Variants in DDX43 observed in about 807,000 individuals in gnomAD.
DDX43 encodes DEAD-box helicase 43, also known as probable ATP-dependent RNA helicase DDX43.
A neutral mutation model predicts 84.9 loss-of-function variants in DDX43; 50 were observed. The ratio of observed to expected loss-of-function variants is 0.59; its 90% CI spans 0.47 to 0.75. The LOEUF (loss-of-function observed/expected upper bound fraction) is 0.75. Ranked by LOEUF, DDX43 falls within the 30% of genes least tolerant of loss-of-function variation. DDX43 has a pLI of 0.00. For synonymous variants in DDX43, 291 were observed against 266.3 expected, an observed-to-expected ratio of 1.09 and a Z score of -0.90; for missense variants, 689 against 798.6, an observed-to-expected ratio of 0.86 and a Z score of 1.65.
intron 1 of DDX43, among the ~76,000 whole-genome samples, 176 bp downstream of exon 1, chr6:73,395,331 G>C (rs973702569): frequency 1.3e-5 from 2 of 152,168 alleles, no homozygotes; most frequent in African/African-American, 2.4e-5. Flanking sequence ...CTGGCCGGGC[G>C]CGTTGGCTCA....
At chr6:73,404,204 C>T (rs751893610) in intron 4 of DDX43, among the ~76,000 whole-genome samples, 37 of 152,118 alleles carry the variant, frequency 2.4e-4, no homozygotes, top group Non-Finnish European at 5.0e-4. Flanking sequence ...CAACCTCTGC[C>T]TCTCTTGAGT....
In DDX43 at chr6:73,414,660, C is replaced by T; in HGVS notation, c.1719C>T (p.His573=). 6.2e-7 allele frequency: 1 copy of T among 1,613,592 alleles called. No homozygotes were observed. Among genetic ancestry groups the T allele is most frequent in the Non-Finnish European group, 8.5e-7 (1 of 1,179,842 alleles). ...CACGGAATATTGAAGAATACGTACA[C>T]CGAATAGGGCGCACGGGAAGAGCAG... ...DFPRNIEEYV[H]RIGRTGRAGR... Residue 573 remains histidine (H), a synonymous_variant, in exon 14 of 17, where the codon CAC becomes CAT. Transcript: ENST00000370336.
At chr6:73,411,887 G>A (rs1366815833) in intron 10 of DDX43, among the ~76,000 whole-genome samples, 7 of 151,960 alleles carry the variant, frequency 4.6e-5, no homozygotes, top group Non-Finnish European at 8.8e-5. Flanking sequence ...CAGTAGAGAC[G>A]TGGTTTTATC....
chr6:73,396,460 G>C (rs1020337203), intron 1 of DDX43, among the ~76,000 whole-genome samples: 1 of 152,154 alleles, frequency 6.6e-6, no homozygotes, highest in Non-Finnish European at 1.5e-5. Flanking sequence ...CTTTCAGAAG[G>C]CTTGGGCTCA....
At chr6:73,402,686 T>G (rs760015572) in intron 4 of DDX43, among the ~76,000 whole-genome samples, 24 of 152,192 alleles carry the variant, frequency 1.6e-4, no homozygotes, top group Non-Finnish European at 2.6e-4. Flanking sequence ...CTCAAGTGAT[T>G]GCTGTGCCTC....
intron 3 of DDX43, 74 bp from the exon 4 acceptor site, chr6:73,401,785 G>C (rs963385653): frequency 2.2e-6 from 3 of 1,356,740 alleles, no homozygotes; most frequent in African/African-American, 3.5e-5. Context: ...CTGGGGGACA[G>C]AGCGAGACTC....
chr6:73,415,283 G>A (rs1769880483), intron 14 of DDX43, among the ~76,000 whole-genome samples: 1 of 151,972 alleles, frequency 6.6e-6, no homozygotes, highest in African/African-American at 2.4e-5. Flanking sequence ...GGGCAACAGT[G>A]CAAGACTCCA....
Position 73,414,694 on chromosome 6 carries a change from A to G in DDX43, c.1745+8A>G, listed in dbSNP as rs113125149. On this transcript the variant is annotated splice_region_variant and intron_variant, in intron 14 of 16. Coordinates refer to ENST00000370336, the MANE Select transcript of DDX43 (RefSeq NM_018665.3). ...GCGCACGGGAAGAGCAGGGTAAGTA[A>G]GCTTAGTCCACCCATGAAAGGCCAA... The G allele has an allele frequency of 2.2e-4, 349 of 1,604,728 alleles. 1 individual carries two copies. The African/African-American group carries it at 3.9e-3, about 18-fold the overall frequency.
rs1769584485 is a variant in DDX43 at position 73,401,972 on chromosome 6, C to T, written c.550C>T (p.Gln184Ter). ...DQIREEGLKW[Q>*]KTKWADLPPI... is the part of the protein sequence containing the mutation. Reference sequence around the variant, plus strand: ...AATTAGAGAGGAAGGTTTGAAATGGCAAAAAACAAAGTGGGCAGGTCAGTG... The same window carrying T: ...AATTAGAGAGGAAGGTTTGAAATGGTAAAAAACAAAGTGGGCAGGTCAGTG... Residue 184 changes from glutamine (Q) to a stop codon, truncating the protein, a stop_gained, in exon 4 of 17, where the codon CAA becomes TAA. Coordinates refer to ENST00000370336, the MANE Select transcript of DDX43 (RefSeq NM_018665.3). LOFTEE classifies it high-confidence loss of function. 6.2e-7 allele frequency: 1 copy of T among 1,613,610 alleles called. No individual in the cohort carries two copies. Among genetic ancestry groups the T allele is most frequent in the African/African-American group, 1.3e-5 (1 of 74,846 alleles).
chr6:73,409,032 G>C (rs767378681), intron 9 of DDX43, among the ~76,000 whole-genome samples: 2 of 152,208 alleles, frequency 1.3e-5, no homozygotes, highest in Non-Finnish European at 2.9e-5. Context: ...TGTTTAAGGA[G>C]ATTTGGAAGC....
chr6:73,414,148 A>G (rs994977863), intron 13 of DDX43, 69 bp downstream of exon 13: 9 of 935,026 alleles, frequency 9.6e-6, no homozygotes, highest in African/African-American at 5.0e-5. Context: ...GCTGAGTAAC[A>G]TCTTTTCATG....
chr6:73,410,804 T>C (rs748930210), intron 10 of DDX43, among the ~76,000 whole-genome samples: 13 of 151,820 alleles, frequency 8.6e-5, no homozygotes, highest in Non-Finnish European at 1.8e-4. Flanking sequence ...ATGTTGCCCA[T>C]GCTAGTCTTG....
At chr6:73,407,830 A>G (rs543327926) in intron 8 of DDX43, 130 bp from the exon 9 acceptor site, 15 of 920,438 alleles carry the variant, frequency 1.6e-5, no homozygotes, top group Admixed American at 7.6e-5. Flanking sequence ...ATGGGTGTAC[A>G]TAATTCTCAG....
rs1344095809 is a variant in DDX43 at position 73,404,748 on chromosome 6, A to G, written c.627A>G (p.Ser209=). 1 of 1,613,274 alleles carries G rather than the reference A, an allele frequency of 6.2e-7. No homozygotes were observed. Among genetic ancestry groups the G allele is most frequent in the South Asian group, 1.1e-5 (1 of 90,814 alleles). ...YKESTATSAM[S]KVEADSWRKE... The stretch of plus-strand genomic sequence containing the variant: ...AGTCCACTGCCACAAGTGCCATGTC[A>G]AAAGTAGAAGCAGATAGTTGGAGGT... The change falls in exon 5 of 17, where the codon TCA becomes TCG. Residue 209 remains serine (S), a synonymous_variant. Transcript: ENST00000370336.
At chr6:73,409,205 C>A in intron 9 of DDX43, 43 bp from the exon 10 acceptor site, 3 of 1,423,236 alleles carry the variant, frequency 2.1e-6, no homozygotes, top group Non-Finnish European at 3.0e-6. Flanking sequence ...TTATTACCTG[C>A]CTCCCATATC....
intron 10 of DDX43, 59 bp from the exon 11 acceptor site, chr6:73,412,146 A>G (rs1368832761): frequency 1.7e-5 from 25 of 1,447,334 alleles, no homozygotes; most frequent in Non-Finnish European, 2.3e-5. Context: ...TAGCATGCTT[A>G]AGGAAACATA....
At chr6:73,414,908 A>G (rs557039316) in intron 14 of DDX43, among the ~76,000 whole-genome samples, 2 of 152,184 alleles carry the variant, frequency 1.3e-5, no homozygotes, top group South Asian at 4.2e-4. Flanking sequence ...TATGTGTTTT[A>G]TATCTAGTGT....
chr6:73,403,069 T>C (rs1769608669), intron 4 of DDX43, among the ~76,000 whole-genome samples: 1 of 152,262 alleles, frequency 6.6e-6, no homozygotes, highest in Non-Finnish European at 1.5e-5. Flanking sequence ...TCAAGACCTC[T>C]GCAAGTTAAG....
Position 73,413,699 on chromosome 6 carries a change from G to A in DDX43, c.1410G>A (p.Glu470=). Residue 470 remains glutamate, a synonymous_variant, in exon 12 of 17, where the codon GAG becomes GAA. Coordinates refer to ENST00000370336, the MANE Select transcript of DDX43 (RefSeq NM_018665.3). ...SVKQNIIVTT[E]EEKWSHMQTF... is the part of the protein sequence containing the mutation. ...AGCAAAATATAATTGTAACCACCGAGGAAGAGAAATGGAGTCACATGCAAA... is the reference window on the plus strand; with the variant it reads ...AGCAAAATATAATTGTAACCACCGAAGAAGAGAAATGGAGTCACATGCAAA... 1 of 1,613,820 alleles carries A rather than the reference G, an allele frequency of 6.2e-7. No individual in the cohort carries two copies. Among genetic ancestry groups the A allele is most frequent in the Non-Finnish European group, 8.5e-7 (1 of 1,179,822 alleles).
Sources: allele counts gnomAD v4.1 joint callset (sites outside exome capture counted in the v4.1 genomes callset), GRCh38; gene constraint gnomAD v4.1.1; transcripts MANE v1.5; gene names NCBI Gene and HGNC (gene_info 2026-07-23, HGNC 2026-07-21).